Variants in TNRC6B observed in about 807,000 individuals in gnomAD.
The protein encoded by TNRC6B is trinucleotide repeat containing adaptor 6B, also known as trinucleotide repeat-containing gene 6B protein.
In TNRC6B, 52 loss-of-function variants were observed where a neutral mutation model predicts 203.6. The observed-to-expected ratio is 0.26, with a 90% CI of 0.20 to 0.32. TNRC6B has a LOEUF of 0.32. Ranked by LOEUF, TNRC6B falls within the 10% of genes least tolerant of loss-of-function variation. The pLI is 1.00. For missense variants in TNRC6B, 1,923 were observed against 2,286.2 expected, an observed-to-expected ratio of 0.84 and a Z score of 3.24; for synonymous variants, 838 against 845.7, an observed-to-expected ratio of 0.99 and a Z score of 0.16.
chr22:40,230,282 C>CTTTTTTT (rs56122256), intron 1 of TNRC6B, among the ~76,000 whole-genome samples: 1 of 94,474 alleles, frequency 1.1e-5, no homozygotes, highest in Non-Finnish European at 2.1e-5. Flanking sequence ...TGCCCATCTT[C>CTTTTTTT]TTTTTTTTTT....
chr22:40,142,251 G>C (rs867834738), intron 3 of TNRC6B, among the ~76,000 whole-genome samples: 28 of 150,630 alleles, frequency 1.9e-4, no homozygotes, highest in African/African-American at 6.6e-4. Context: ...TTTAAGAGAG[G>C]GGTCTCCACT....
chr22:40,290,044 C>T (rs1048959680), intron 12 of TNRC6B, among the ~76,000 whole-genome samples: 10 of 152,184 alleles, frequency 6.6e-5, no homozygotes, highest in African/African-American at 1.9e-4. Flanking sequence ...GCCAAGCCAC[C>T]GCCGTTTCTG....
chr22:40,080,619 C>A (rs924540548), intron 1 of TNRC6B, among the ~76,000 whole-genome samples: 1 of 152,142 alleles, frequency 6.6e-6, no homozygotes, highest in African/African-American at 2.4e-5. Context: ...TTCAAATTCT[C>A]ACAGTTCCCC....
chr22:40,312,791 G>T, intron 18 of TNRC6B, 111 bp from the exon 19 acceptor site: 1 of 1,467,356 alleles, frequency 6.8e-7, no homozygotes. Context: ...TTATTTGTTA[G>T]ACATATTTTG....
chr22:40,073,911 T>C (rs2067978846), intron 1 of TNRC6B, among the ~76,000 whole-genome samples: 1 of 151,748 alleles, frequency 6.6e-6, no homozygotes, highest in South Asian at 2.1e-4. Flanking sequence ...CAAAAAACAA[T>C]ACAAAAAATT....
chr22:40,120,629 G>A (rs1290441306), intron 2 of TNRC6B, among the ~76,000 whole-genome samples: 2 of 152,148 alleles, frequency 1.3e-5, no homozygotes, highest in Non-Finnish European at 2.9e-5. Flanking sequence ...TTAATTCTGA[G>A]GAGGATACAT....
intron 2 of TNRC6B, among the ~76,000 whole-genome samples, chr22:40,247,105 C>T (rs1192458831): frequency 6.6e-6 from 1 of 152,126 alleles, no homozygotes; most frequent in Admixed American, 6.6e-5. Context: ...TACCTGTTTC[C>T]CCACCTTACC....
intron 3 of TNRC6B, among the ~76,000 whole-genome samples, chr22:40,253,901 C>T (rs927645744): frequency 3.3e-5 from 5 of 152,206 alleles, no homozygotes; most frequent in Admixed American, 6.5e-5. Flanking sequence ...AGGCAATCTG[C>T]CCTTCACTCT....
chr22:40,303,021 C>CCTTCTT (rs1218031533), intron 15 of TNRC6B, among the ~76,000 whole-genome samples: 10 of 140,402 alleles, frequency 7.1e-5, no homozygotes, highest in Non-Finnish European at 1.2e-4. Context: ...TGCTGTATTT[C>CCTTCTT]CTTCTTCTTC....
intron 3 of TNRC6B, among the ~76,000 whole-genome samples, chr22:40,254,482 T>A (rs989276877): frequency 2.6e-5 from 4 of 152,176 alleles, no homozygotes; most frequent in Non-Finnish European, 4.4e-5. Flanking sequence ...ATTATGCCAC[T>A]GTACTCCAGC....
chr22:40,187,014 A>G (rs749212624), intron 1 of TNRC6B, among the ~76,000 whole-genome samples: 20 of 152,208 alleles, frequency 1.3e-4, no homozygotes, highest in Non-Finnish European at 2.8e-4. Context: ...GTAGGTTCAC[A>G]TACCCACGTT....
At chr22:40,225,290 C>T (rs1182455617) in intron 1 of TNRC6B, among the ~76,000 whole-genome samples, 4 of 151,876 alleles carry the variant, frequency 2.6e-5, no homozygotes, top group African/African-American at 9.7e-5. Context: ...TGGAGGGGTC[C>T]GGAGACACAA....
intron 19 of TNRC6B, among the ~76,000 whole-genome samples, chr22:40,314,796 T>C (rs999342410): frequency 4.6e-5 from 7 of 152,248 alleles, no homozygotes; most frequent in Non-Finnish European, 7.3e-5. Context: ...TGAATATTTC[T>C]TGATTGTTTT....
intron 15 of TNRC6B, among the ~76,000 whole-genome samples, chr22:40,304,863 G>A (rs1035276662): frequency 6.6e-6 from 1 of 152,200 alleles, no homozygotes; most frequent in African/African-American, 2.4e-5. Flanking sequence ...TATCTATGCT[G>A]CAATTATGAT....
intron 1 of TNRC6B, among the ~76,000 whole-genome samples, chr22:40,046,150 A>G (rs998832659): frequency 6.6e-6 from 1 of 152,368 alleles, no homozygotes; most frequent in African/African-American, 2.4e-5. Flanking sequence ...AAGTTTACTA[A>G]TAGAGGTTAC....
At chr22:40,292,179 G>A (rs923697880) in intron 12 of TNRC6B, among the ~76,000 whole-genome samples, 1 of 148,258 alleles carries the variant, frequency 6.7e-6, no homozygotes, top group Admixed American at 6.9e-5. Context: ...GGGCGACAGA[G>A]CAAGACTCCG....
At chr22:40,294,983 T>C (rs2146539873) in intron 12 of TNRC6B, among the ~76,000 whole-genome samples, 1 of 152,310 alleles carries the variant, frequency 6.6e-6, no homozygotes, top group South Asian at 2.1e-4. Flanking sequence ...GATTTTTAAA[T>C]TGGTTGGTAA....
rs561010185 is a variant in TNRC6B at position 40,058,738 on chromosome 22, T to TG, written c.-121+13741dup. Among the ~76,000 whole-genome samples, 398 of 152,300 alleles carry TG rather than the reference T, an allele frequency of 2.6e-3. 1 individual carries two copies. Among genetic ancestry groups the TG allele is most frequent in the African/African-American group, 9.2e-3 (383 of 41,566 alleles). On this transcript the variant is annotated intron_variant, in intron 1 of 23. Coordinates refer to the TNRC6B transcript ENST00000301923. ...GATACCCTGTCGCTGGCAACCCACCTGCCCAGTACTTGAATCTTGAAATTC... is the reference window on the plus strand; with the variant it reads ...GATACCCTGTCGCTGGCAACCCACCTGGCCCAGTACTTGAATCTTGAAATTC...
At chr22:40,256,766 C>T (rs1167921533) in intron 3 of TNRC6B, among the ~76,000 whole-genome samples, 1 of 152,126 alleles carries the variant, frequency 6.6e-6, no homozygotes, top group Non-Finnish European at 1.5e-5. Context: ...AGGAGAAGCC[C>T]ACACAGGAAG....
Sources: gnomAD v4.1 joint callset for allele counts (sites outside exome capture counted in the v4.1 genomes callset) on GRCh38, gnomAD v4.1.1 for gene constraint, MANE v1.5 for transcripts, NCBI Gene and HGNC (gene_info 2026-07-23, HGNC 2026-07-21) for gene names.